QTMAN: variants seen among roughly 807,000 people sequenced by gnomAD.
QTMAN encodes the protein tRNA-queuosine alpha-mannosyltransferase.
chr2:144,181,862 C>T, the QTMAN span, among the ~76,000 whole-genome samples: 1 of 152,006 alleles, frequency 6.6e-6, no homozygotes, highest in African/African-American at 2.4e-5. Context: ...ACAGTTATGA[C>T]ATTACATTAT....
the QTMAN span, among the ~76,000 whole-genome samples, chr2:144,118,213 T>C: frequency 6.6e-6 from 1 of 152,204 alleles, no homozygotes; most frequent in African/African-American, 2.4e-5. Flanking sequence ...AATGTGTTAT[T>C]GTCTTTCAAC....
the QTMAN span, among the ~76,000 whole-genome samples, chr2:144,083,300 A>G: frequency 1.3e-5 from 2 of 152,168 alleles, no homozygotes; most frequent in Non-Finnish European, 2.9e-5. Flanking sequence ...TATTCTGGCT[A>G]ACAGTCCCAG....
At chr2:144,151,729 G>A in the QTMAN span, among the ~76,000 whole-genome samples, 2 of 152,078 alleles carry the variant, frequency 1.3e-5, no homozygotes, top group Admixed American at 1.3e-4. Flanking sequence ...TTACTCCCAA[G>A]CATTTCAAAA....
the QTMAN span, among the ~76,000 whole-genome samples, chr2:144,109,025 C>T: frequency 6.6e-6 from 1 of 152,184 alleles, no homozygotes. Flanking sequence ...CCCCATCAAG[C>T]TACCAATGAC....
chr2:144,326,123 T>A, the QTMAN span, among the ~76,000 whole-genome samples: 4 of 152,192 alleles, frequency 2.6e-5, no homozygotes, highest in Admixed American at 6.5e-5. Context: ...CACTTCTTCA[T>A]AATAAAACTA....
chr2:144,230,577 CA>C, the QTMAN span, among the ~76,000 whole-genome samples: 1 of 151,928 alleles, frequency 6.6e-6, no homozygotes, highest in Admixed American at 6.6e-5. Context: ...AACACTTTTA[CA>C]GGGGCATATT....
At chr2:144,307,456 G>A in the QTMAN span, among the ~76,000 whole-genome samples, 1 of 152,140 alleles carries the variant, frequency 6.6e-6, no homozygotes, top group East Asian at 1.9e-4. Flanking sequence ...GCACTAGTCT[G>A]TGCAATGTAA....
the QTMAN span, among the ~76,000 whole-genome samples, chr2:144,255,171 T>G: frequency 1.3e-5 from 2 of 152,108 alleles, no homozygotes; most frequent in Non-Finnish European, 2.9e-5. Flanking sequence ...ATAGAAGATT[T>G]GGGAGGGGCC....
At chr2:144,225,957 G>T in the QTMAN span, among the ~76,000 whole-genome samples, 1 of 152,214 alleles carries the variant, frequency 6.6e-6, no homozygotes, top group African/African-American at 2.4e-5. Flanking sequence ...AAAGTGCTTT[G>T]TACACAATAT....
At chr2:144,140,771 C>T in the QTMAN span, among the ~76,000 whole-genome samples, 9 of 151,932 alleles carry the variant, frequency 5.9e-5, no homozygotes, top group Non-Finnish European at 1.2e-4. Flanking sequence ...TCTGTGACAA[C>T]GACAAGGTGA....
chr2:144,216,653 AAAT>A, the QTMAN span, among the ~76,000 whole-genome samples: 7 of 152,170 alleles, frequency 4.6e-5, no homozygotes, highest in East Asian at 1.9e-4. Flanking sequence ...AATTTATGGG[AAAT>A]AATAATTTTT....
At chr2:143,982,465 C>G in the QTMAN span, among the ~76,000 whole-genome samples, 15 of 151,788 alleles carry the variant, frequency 9.9e-5, no homozygotes, top group Non-Finnish European at 1.9e-4. Flanking sequence ...CTCCTGACCA[C>G]CTCAGGTGAT....
chr2:144,029,110 C>T, the QTMAN span, among the ~76,000 whole-genome samples: 1 of 152,290 alleles, frequency 6.6e-6, no homozygotes, highest in East Asian at 1.9e-4. Flanking sequence ...ATGAGAACAA[C>T]TTCCTAAGGA....
the QTMAN span, among the ~76,000 whole-genome samples, chr2:144,154,532 T>C: frequency 6.6e-6 from 1 of 152,210 alleles, no homozygotes; most frequent in Non-Finnish European, 1.5e-5. Flanking sequence ...AAATACTGAA[T>C]ATAAGTAGAG....
chr2:144,079,895 C>T, the QTMAN span, among the ~76,000 whole-genome samples: 1 of 152,046 alleles, frequency 6.6e-6, no homozygotes, highest in Non-Finnish European at 1.5e-5. Flanking sequence ...ATTTTAAATA[C>T]TTTACATTAT....
At chr2:144,168,865 C>T in the QTMAN span, among the ~76,000 whole-genome samples, 4 of 152,034 alleles carry the variant, frequency 2.6e-5, no homozygotes, top group Non-Finnish European at 4.4e-5. Context: ...TTATTCATCC[C>T]TTAGAATCAC....
At chr2:144,050,204 C>G in the QTMAN span, among the ~76,000 whole-genome samples, 3 of 151,954 alleles carry the variant, frequency 2.0e-5, no homozygotes, top group Non-Finnish European at 2.9e-5. Flanking sequence ...TAAATTAACT[C>G]TATGTAGACA....
the QTMAN span, among the ~76,000 whole-genome samples, chr2:143,955,289 G>T: frequency 1.3e-5 from 2 of 152,144 alleles, no homozygotes; most frequent in African/African-American, 4.8e-5. Flanking sequence ...TTAAAACATT[G>T]CTGCTTTAAG....
the QTMAN span, among the ~76,000 whole-genome samples, chr2:144,175,031 A>G: frequency 6.6e-6 from 1 of 152,144 alleles, no homozygotes. Flanking sequence ...AGTAAAATAA[A>G]TTTTGGAGAC....
Sources: gnomAD v4.1 joint callset for allele counts (sites outside exome capture counted in the v4.1 genomes callset) on GRCh38, gnomAD v4.1.1 for gene constraint, MANE v1.5 for transcripts, NCBI Gene and HGNC (gene_info 2026-07-23, HGNC 2026-07-21) for gene names.